Variants in AUTS2 observed in about 807,000 individuals in gnomAD.
The protein encoded by AUTS2 is activator of transcription and developmental regulator AUTS2.
A neutral mutation model predicts 112.4 loss-of-function variants in AUTS2; 17 were observed. The ratio of observed to expected loss-of-function variants is 0.15; its 90% CI spans 0.10 to 0.23. The LOEUF (loss-of-function observed/expected upper bound fraction) is 0.23, where lower values mean the gene tolerates loss of function less well. Ranked by LOEUF, AUTS2 falls within the 10% of genes least tolerant of loss-of-function variation. The pLI is 1.00. For synonymous variants in AUTS2, 751 were observed against 702.7 expected (o/e 1.07, Z -1.09); for missense variants, 1,510 against 1,701.6 (o/e 0.89, Z 1.98).
At chr7:70,228,313 A>G (rs970597872) in intron 4 of AUTS2, among the ~76,000 whole-genome samples, 3 of 150,430 alleles carry the variant, frequency 2.0e-5, no homozygotes, top group Admixed American at 2.0e-4. Flanking sequence ...TTATTTTTGC[A>G]TTTGTATGTA....
At chr7:70,775,109 A>G in intron 12 of AUTS2, 1 of 526,742 alleles carries the variant, frequency 1.9e-6, no homozygotes, top group Non-Finnish European at 3.3e-6. Context: ...CAGAGGGCAC[A>G]TTGCTATTGA....
intron 4 of AUTS2, among the ~76,000 whole-genome samples, chr7:70,214,255 A>G (rs1475086945): frequency 1.3e-5 from 2 of 152,166 alleles, no homozygotes; most frequent in Admixed American, 6.5e-5. Flanking sequence ...TCATGTGACT[A>G]TATTAGTATC....
At chr7:69,916,260 C>T (rs1021089060) in intron 2 of AUTS2, among the ~76,000 whole-genome samples, 1 of 152,200 alleles carries the variant, frequency 6.6e-6, no homozygotes, top group Non-Finnish European at 1.5e-5. Flanking sequence ...ATAACATTCA[C>T]TCCTCCAAGG....
chr7:70,113,740 T>C (rs1194736756), intron 2 of AUTS2, among the ~76,000 whole-genome samples: 2 of 152,216 alleles, frequency 1.3e-5, no homozygotes, highest in Non-Finnish European at 2.9e-5. Context: ...CTGTAAATTT[T>C]GTTTGATGGA....
intron 1 of AUTS2, among the ~76,000 whole-genome samples, chr7:69,846,960 A>T (rs1261805131): frequency 1.3e-5 from 2 of 152,210 alleles, no homozygotes; most frequent in Non-Finnish European, 2.9e-5. Context: ...ATTTGAGCAA[A>T]GTTATATAGT....
intron 5 of AUTS2, among the ~76,000 whole-genome samples, chr7:70,512,511 G>A (rs1386007999): frequency 6.6e-6 from 1 of 152,158 alleles, no homozygotes. Flanking sequence ...GGAGTGACAG[G>A]GGCTGTGGAA....
At chr7:70,222,822 A>G (rs906629112) in intron 4 of AUTS2, among the ~76,000 whole-genome samples, 1 of 152,128 alleles carries the variant, frequency 6.6e-6, no homozygotes, top group Non-Finnish European at 1.5e-5. Context: ...TTTGCAAACC[A>G]ACTCATAAAA....
At chr7:69,956,776 G>A (rs117641858) in intron 2 of AUTS2, among the ~76,000 whole-genome samples, 229 of 152,222 alleles carry the variant, frequency 1.5e-3, no homozygotes, top group Non-Finnish European at 2.6e-3. Flanking sequence ...TCAGCCTTTC[G>A]TTGTGTGATG....
intron 5 of AUTS2, among the ~76,000 whole-genome samples, chr7:70,558,270 AGGAACAAAT>A: frequency 1.3e-5 from 2 of 152,316 alleles, no homozygotes; most frequent in South Asian, 4.1e-4. Context: ...CGTAAAATTT[AGGAACAAAT>A]CGCCACTCAT....
intron 4 of AUTS2, among the ~76,000 whole-genome samples, chr7:70,405,792 A>G (rs138425047): frequency 1.3e-5 from 2 of 152,238 alleles, no homozygotes; most frequent in South Asian, 4.1e-4. Flanking sequence ...ATACCCTTGC[A>G]ATGTTCAAAG....
rs11418386 is a variant in AUTS2 at position 70,118,245 on chromosome 7, T to TAAAAAA, written c.624+29_624+34dup. 1.7e-5 allele frequency: 22 copies of TAAAAAA among 1,323,358 alleles called. No homozygotes were observed. Among genetic ancestry groups the TAAAAAA allele is most frequent in the Admixed American group, 1.0e-4 (3 of 29,156 alleles). 82.0% of individuals were successfully genotyped at this position (1,323,358 alleles called of 1,614,324 possible). ...AAAGGCTCAGTGATGTAAGTTTAAG[T>TAAAAAA]AAAAAAAAAAAAAAAAAAAAAATTA... On this transcript the variant is annotated intron_variant, in intron 3 of 18. Transcript: ENST00000342771.
intron 4 of AUTS2, among the ~76,000 whole-genome samples, chr7:70,358,997 A>G (rs979064264): frequency 6.6e-6 from 1 of 152,226 alleles, no homozygotes; most frequent in Non-Finnish European, 1.5e-5. Context: ...TGTGCAAAAG[A>G]TGTGATGCAT....
intron 4 of AUTS2, among the ~76,000 whole-genome samples, chr7:70,355,452 C>T (rs1791963373): frequency 6.6e-6 from 1 of 152,076 alleles, no homozygotes; most frequent in African/African-American, 2.4e-5. Context: ...ACGGCGACCC[C>T]CTCAAATGTC....
chr7:69,867,831 AG>A (rs1356342296), intron 1 of AUTS2, among the ~76,000 whole-genome samples: 34 of 152,290 alleles, frequency 2.2e-4, no homozygotes, highest in Admixed American at 2.2e-3. Context: ...CATTTGAAAT[AG>A]GCGCAGTGCC....
At chr7:70,491,458 T>A (rs888421331) in intron 5 of AUTS2, among the ~76,000 whole-genome samples, 1 of 127,960 alleles carries the variant, frequency 7.8e-6, no homozygotes, top group Admixed American at 7.5e-5. Flanking sequence ...ATAATATATA[T>A]GTTATATATA....
At chr7:70,119,986 C>CGG (rs1805599794) in intron 3 of AUTS2, 1 of 151,794 alleles carries the variant, frequency 6.6e-6, no homozygotes, top group African/African-American at 2.4e-5. Flanking sequence ...GTTTAACGAG[C>CGG]GGGGAATAAT....
chr7:70,187,831 T>A (rs1208850924), intron 4 of AUTS2, among the ~76,000 whole-genome samples: 2 of 141,214 alleles, frequency 1.4e-5, no homozygotes, highest in Non-Finnish European at 3.0e-5. Context: ...TGGAATCACA[T>A]CAGGAAAGGG....
chr7:70,407,185 G>C (rs977460818), intron 4 of AUTS2, among the ~76,000 whole-genome samples: 3 of 152,160 alleles, frequency 2.0e-5, no homozygotes, highest in African/African-American at 7.2e-5. Context: ...TTTGGCAGCA[G>C]GTTTAGCCAG....
chr7:70,159,673 A>T (rs550480004), intron 4 of AUTS2, among the ~76,000 whole-genome samples: 6 of 152,178 alleles, frequency 3.9e-5, no homozygotes, highest in Middle Eastern at 6.3e-3. Context: ...GCATATTTTC[A>T]AGGAAGAAGC....
Sources: gnomAD v4.1 joint callset for allele counts (sites outside exome capture counted in the v4.1 genomes callset) on GRCh38, gnomAD v4.1.1 for gene constraint, MANE v1.5 for transcripts, NCBI Gene and HGNC (gene_info 2026-07-23, HGNC 2026-07-21) for gene names.